Variants in STEAP2 observed in about 807,000 individuals in gnomAD.
STEAP2 encodes the protein STEAP2 metalloreductase.
Under a neutral mutation model 46.4 loss-of-function variants are expected in STEAP2, and 30 were observed. The observed-to-expected ratio is 0.65, with a 90% CI of 0.48 to 0.88. The LOEUF is 0.88. Ranked by LOEUF, STEAP2 falls within the 40% of genes least tolerant of loss-of-function variation. The pLI is 0.00. For synonymous variants in STEAP2, 180 were observed against 200.5 expected (o/e 0.90, Z 0.86); for missense variants, 513 against 579.3 (o/e 0.89, Z 1.18).
chr7:90,233,622 A>T lies in STEAP2; in HGVS notation c.*998A>T. 1 of 877,286 alleles carries T rather than the reference A, an allele frequency of 1.1e-6. No individual in the cohort carries two copies. Among genetic ancestry groups the T allele is most frequent in the Non-Finnish European group, 1.4e-6 (1 of 731,668 alleles). The allele number at this position is 877,286 out of a possible 1,614,324, so 54.3% of individuals were successfully genotyped here. A position where few individuals can be genotyped will look rare whatever the true frequency, so the allele number is the denominator to read the frequency against. On this transcript the variant is annotated 3_prime_UTR_variant, in exon 6 of 6. Transcript: ENST00000394621. ...CTTAGAACAACCCCGTGAGATAAGT[A>T]GTTATTATCCTCATTTTACACATGA...
At position 90,237,278 on chromosome 7, in the gene STEAP2, C is replaced by T; in HGVS notation, c.*4654C>T. Reference sequence around the variant, plus strand: ...TACATGAAGTGAAAATTAATTCTTTCTGCCCTTCAGTTCTTTATCCTGATA... The same window carrying T: ...TACATGAAGTGAAAATTAATTCTTTTTGCCCTTCAGTTCTTTATCCTGATA... On this transcript the variant is annotated 3_prime_UTR_variant, in exon 6 of 6. Transcript: ENST00000394621. 3.7e-6 allele frequency: 1 copy of T among 269,306 alleles called. No individual in the cohort carries two copies. Among genetic ancestry groups the T allele is most frequent in the Non-Finnish European group, 6.9e-6 (1 of 144,424 alleles). 16.7% of individuals were successfully genotyped at this position (269,306 alleles called of 1,614,324 possible). A position where few individuals can be genotyped will look rare whatever the true frequency, so the allele number is the denominator to read the frequency against.
In STEAP2 at chr7:90,235,978, A is replaced by C; in HGVS notation, c.*3354A>C. The C allele has an allele frequency of 1.0e-6, 1 of 980,654 alleles. No homozygotes were observed. Among genetic ancestry groups the C allele is most frequent in the Non-Finnish European group, 1.2e-6 (1 of 825,548 alleles). The allele number at this position is 980,654 out of a possible 1,614,324, so 60.7% of individuals were successfully genotyped here. On this transcript the variant is annotated 3_prime_UTR_variant, in exon 6 of 6. Coordinates refer to ENST00000394621, the MANE Select transcript of STEAP2 (RefSeq NM_001244944.2). ...AAGCAGCATAACCTTGGCTTGATTAAGGAATTCTACTTTCAAAAATTAATC... is the reference window on the plus strand; with the variant it reads ...AAGCAGCATAACCTTGGCTTGATTACGGAATTCTACTTTCAAAAATTAATC...
At position 90,236,445 on chromosome 7, in the gene STEAP2, A is replaced by G. The variant is rs1166081774; in HGVS notation, c.*3821A>G. 2 of 993,754 alleles carry G rather than the reference A, an allele frequency of 2.0e-6. No individual in the cohort carries two copies. Among genetic ancestry groups the G allele is most frequent in the Non-Finnish European group, 2.4e-6 (2 of 835,528 alleles). 61.6% of individuals were successfully genotyped at this position (993,754 alleles called of 1,614,324 possible). A position where few individuals can be genotyped will look rare whatever the true frequency, so the allele number is the denominator to read the frequency against. ...CACACCTCACAGTGTTAAGATTTATATTGTGAAATGAGACACCCTACCTTC... is the reference window on the plus strand; with the variant it reads ...CACACCTCACAGTGTTAAGATTTATGTTGTGAAATGAGACACCCTACCTTC... On this transcript the variant is annotated 3_prime_UTR_variant, in exon 6 of 6. Transcript: ENST00000394621.
At position 90,237,037 on chromosome 7, in the gene STEAP2, AG is replaced by A; in HGVS notation, c.*4414del. On this transcript the variant is annotated 3_prime_UTR_variant, in exon 6 of 6. Transcript: ENST00000394621. ...ACATGTGACTGAGTGTTGGCCAGTGAGATGAAGTCTCCTCAAAGGAAGGCAG... is the reference window on the plus strand; with the variant it reads ...ACATGTGACTGAGTGTTGGCCAGTGAATGAAGTCTCCTCAAAGGAAGGCAG... The A allele has an allele frequency of 7.0e-7, 1 of 1,419,406 alleles. No homozygotes were observed. The highest frequency in any genetic ancestry group is 9.8e-7 in the Non-Finnish European group (1 of 1,015,470). The allele number at this position is 1,419,406 out of a possible 1,614,324, so 87.9% of individuals were successfully genotyped here.
At position 90,237,223 on chromosome 7, in the gene STEAP2, G is replaced by A. The variant is rs1795992225; in HGVS notation, c.*4599G>A. On this transcript the variant is annotated 3_prime_UTR_variant, in exon 6 of 6. Transcript: ENST00000394621. ...TTCCCTACTTCCACTGCTTTTTCCT[G>A]CATTTAAGCCATTGTAAATCTGGGT... The A allele has an allele frequency of 2.6e-6, 1 of 387,276 alleles. No homozygotes were observed. The highest frequency in any genetic ancestry group is 4.6e-6 in the Non-Finnish European group (1 of 218,500). 24.0% of individuals were successfully genotyped at this position (387,276 alleles called of 1,614,324 possible). A position where few individuals can be genotyped will look rare whatever the true frequency, so the allele number is the denominator to read the frequency against.
intron 3 of STEAP2, 61 bp from the exon 4 acceptor site, chr7:90,226,910 C>T (rs1584241142): frequency 1.3e-6 from 2 of 1,492,834 alleles, no homozygotes; most frequent in Non-Finnish European, 1.8e-6. Context: ...GTGGAGCATG[C>T]GATTGCTACC....
intron 3 of STEAP2, among the ~76,000 whole-genome samples, chr7:90,226,641 T>C (rs1237156567): frequency 1.3e-5 from 2 of 152,162 alleles, no homozygotes; most frequent in Non-Finnish European, 2.9e-5. Flanking sequence ...AGAGTCCTTA[T>C]ACAAACATCT....
Position 90,216,528 on chromosome 7 carries a change from C to T in STEAP2, c.-109C>T, listed in dbSNP as rs1258158651. 6.6e-6 allele frequency: 1 copy of T among 152,124 alleles called. No homozygotes were observed. The highest frequency in any genetic ancestry group is 1.5e-5 in the Non-Finnish European group (1 of 68,028). The allele number at this position is 152,124 out of a possible 1,614,324, so 9.4% of individuals were successfully genotyped here. A position where few individuals can be genotyped will look rare whatever the true frequency, so the allele number is the denominator to read the frequency against. Reference sequence around the variant, plus strand: ...GGAAATTGGAAAATTGTGAGTGGACCTTCTGATACTGCTCCTCCTTGCGTG... The same window carrying T: ...GGAAATTGGAAAATTGTGAGTGGACTTTCTGATACTGCTCCTCCTTGCGTG... On this transcript the variant is annotated 5_prime_UTR_variant, in exon 2 of 6. Coordinates refer to ENST00000394621, the MANE Select transcript of STEAP2 (RefSeq NM_001244944.2).
rs1795783820 is a variant in STEAP2 at position 90,232,245 on chromosome 7, T to G, written c.1186-92T>G. 6 of 1,356,358 alleles carry G rather than the reference T, an allele frequency of 4.4e-6. No individual in the cohort carries two copies. In the South Asian group the frequency reaches 1.1e-4, roughly 25 times the overall value. 84.0% of individuals were successfully genotyped at this position (1,356,358 alleles called of 1,614,324 possible). A position where few individuals can be genotyped will look rare whatever the true frequency, so the allele number is the denominator to read the frequency against. ...TTAAGACAAAATAGTTTTATCAAAA[T>G]ATAAACATGGTGTATCTTGATAGTT... On this transcript the variant is annotated intron_variant, in intron 5 of 5. Transcript: ENST00000394621.
At chr7:90,239,680 G>C (rs1796038026), downstream of STEAP2, among the ~76,000 whole-genome samples, 4 of 151,916 alleles carry the variant, frequency 2.6e-5, no homozygotes, top group Admixed American at 2.6e-4. Context: ...TTGGGTAAAA[G>C]CGCTTTATAA....
At chr7:90,241,408 C>T (rs1328268941), downstream of STEAP2, among the ~76,000 whole-genome samples, 1 of 152,136 alleles carries the variant, frequency 6.6e-6, no homozygotes, top group Non-Finnish European at 1.5e-5. Context: ...GGATAACTTA[C>T]AAAATGCTTT....
chr7:90,230,624 A>C (rs192209941), intron 5 of STEAP2, among the ~76,000 whole-genome samples: 17 of 152,124 alleles, frequency 1.1e-4, no homozygotes, highest in Admixed American at 1.1e-3. Flanking sequence ...AAGGGATTTC[A>C]AACCACCATT....
downstream of STEAP2, among the ~76,000 whole-genome samples, chr7:90,242,333 A>G (rs559647916): frequency 1.3e-5 from 2 of 152,332 alleles, no homozygotes; most frequent in Non-Finnish European, 2.9e-5. Context: ...AAGTCTCTTC[A>G]GTTAGGTCCA....
intron 3 of STEAP2, among the ~76,000 whole-genome samples, chr7:90,226,605 G>T (rs1795498434): frequency 6.6e-6 from 1 of 152,186 alleles, no homozygotes; most frequent in South Asian, 2.1e-4. Context: ...ATAGAAACAT[G>T]CAAATATTTC....
chr7:90,234,584 T>C lies in STEAP2; in HGVS notation c.*1960T>C, dbSNP rs1795889417. ...TTTTTTTTTAAAGACAGAGTCTTGCTCTGTCACCCAGGCTGGAGTGCAGTG... is the reference window on the plus strand; with the variant it reads ...TTTTTTTTTAAAGACAGAGTCTTGCCCTGTCACCCAGGCTGGAGTGCAGTG... On this transcript the variant is annotated 3_prime_UTR_variant, in exon 6 of 6. Coordinates refer to ENST00000394621, the MANE Select transcript of STEAP2 (RefSeq NM_001244944.2). The C allele has an allele frequency of 2.1e-6, 2 of 938,276 alleles. No homozygotes were observed. Among genetic ancestry groups the C allele is most frequent in the Non-Finnish European group, 2.5e-6 (2 of 791,768 alleles). The allele number at this position is 938,276 out of a possible 1,614,324, so 58.1% of individuals were successfully genotyped here.
chr7:90,215,367 G>A (rs948063947), intron 1 of STEAP2: 1 of 152,170 alleles, frequency 6.6e-6, no homozygotes, highest in Non-Finnish European at 1.5e-5. Flanking sequence ...TAGCACAACA[G>A]GTGCCATTCA....
intron 2 of STEAP2, among the ~76,000 whole-genome samples, chr7:90,222,548 GATAA>G (rs1280801462): frequency 2.0e-5 from 3 of 151,988 alleles, no homozygotes; most frequent in African/African-American, 7.2e-5. Context: ...TATGTCCTTG[GATAA>G]ATTAATTATC....
At chr7:90,231,821 G>C (rs975682020) in intron 5 of STEAP2, among the ~76,000 whole-genome samples, 5 of 151,968 alleles carry the variant, frequency 3.3e-5, no homozygotes, top group Admixed American at 1.3e-4. Flanking sequence ...CTAGCAGTAT[G>C]TATCAGTACC....
chr7:90,230,316 T>C (rs1446458385), intron 5 of STEAP2, among the ~76,000 whole-genome samples: 7 of 151,870 alleles, frequency 4.6e-5, no homozygotes, highest in Non-Finnish European at 8.8e-5. Context: ...AAATGAAAGT[T>C]GGGAAGGATG....
Sources: allele counts gnomAD v4.1 joint callset (sites outside exome capture counted in the v4.1 genomes callset), GRCh38; gene constraint gnomAD v4.1.1; transcripts MANE v1.5; gene names NCBI Gene and HGNC (gene_info 2026-07-23, HGNC 2026-07-21).